Variants in GSE1 observed in about 807,000 individuals in gnomAD.
GSE1 encodes Gse1 coiled-coil protein, also known as genetic suppressor element 1.
Under a neutral mutation model 112.6 loss-of-function variants are expected in GSE1, and 32 were observed. The observed-to-expected ratio is 0.28, with a 90% confidence interval of 0.21 to 0.38. GSE1 has a LOEUF of 0.38. GSE1 is among the 10% of genes least tolerant of loss of function. The pLI is 1.00. For missense variants in GSE1, 2,348 were observed against 1,699.2 expected (o/e 1.38, Z -6.71); for synonymous variants, 1,115 against 735.6 (o/e 1.52, Z -8.35).
rs2045439576 is a variant in GSE1 at position 85,560,110 on chromosome 16, C to T, written c.37+3747C>T. On this transcript the variant is annotated intron_variant, in intron 1 of 2. Transcript: ENST00000635906. The stretch of plus-strand genomic sequence containing the variant: ...GAATTATTTGCAGCAAGTCACAGAG[C>T]TTTTTTTTCTTCTTCTTCTTTTTTT... Among the ~76,000 whole-genome samples, 3 of 133,980 alleles carry T rather than the reference C, an allele frequency of 2.2e-5. 1 individual carries two copies. In the South Asian group the frequency reaches 7.3e-4, roughly 33 times the overall value. 87.9% of individuals were successfully genotyped at this position (133,980 alleles called of 152,430 possible). A position where few individuals can be genotyped will look rare whatever the true frequency, so the allele number is the denominator to read the frequency against.
intron 2 of GSE1, among the ~76,000 whole-genome samples, chr16:85,636,627 C>T (rs750463109): frequency 2.6e-5 from 4 of 152,314 alleles, no homozygotes; most frequent in South Asian, 2.1e-4. Flanking sequence ...GAGGACAAGT[C>T]GCAAGACGGC....
At chr16:85,327,165 A>G (rs1243799822) in intron 1 of GSE1, among the ~76,000 whole-genome samples, 1 of 152,204 alleles carries the variant, frequency 6.6e-6, no homozygotes, top group Admixed American at 6.5e-5. Flanking sequence ...TCCCAAGACC[A>G]GTGTCCCAAA....
chr16:85,497,302 T>G (rs1255693679), intron 2 of GSE1, among the ~76,000 whole-genome samples: 2 of 152,176 alleles, frequency 1.3e-5, no homozygotes, highest in Non-Finnish European at 2.9e-5. Flanking sequence ...CTCCTGCGTT[T>G]TACATTGGGA....
Position 85,648,636 on chromosome 16 carries a change from C to G in GSE1, c.311C>G (p.Pro104Arg), listed in dbSNP as rs754251796. The change falls in exon 3 of 16, where the codon CCC becomes CGC. Residue 104 changes from proline (P) to arginine (R), a missense_variant. Pro to Arg is a moderately radical substitution (Grantham distance 103). Coordinates refer to ENST00000253458, the MANE Select transcript of GSE1 (RefSeq NM_014615.5). ...CCCGCCAGCACACCCAAGCGCGTGC[C>G]CATGGGCCCTATCATCGTCCCCCCT... ...SSPASTPKRV[P>R]MGPIIVPPGG... is the part of the protein sequence containing the mutation. The G allele has an allele frequency of 6.2e-7, 1 of 1,603,916 alleles. No homozygotes were observed. The highest frequency in any genetic ancestry group is 8.5e-7 in the Non-Finnish European group (1 of 1,172,986).
At chr16:85,632,425 G>A (rs930945012) in intron 1 of GSE1, among the ~76,000 whole-genome samples, 2 of 151,892 alleles carry the variant, frequency 1.3e-5, no homozygotes, top group African/African-American at 2.4e-5. Flanking sequence ...TTCTCCCTAC[G>A]TCCCCTCTAT....
chr16:85,260,030 A>G (rs1054855154), intron 1 of GSE1, among the ~76,000 whole-genome samples: 1 of 152,196 alleles, frequency 6.6e-6, no homozygotes, highest in African/African-American at 2.4e-5. Flanking sequence ...ACTTACCAGA[A>G]AGGGACGGAG....
At chr16:85,638,444 C>T (rs539995724) in intron 2 of GSE1, among the ~76,000 whole-genome samples, 77 of 152,330 alleles carry the variant, frequency 5.1e-4, no homozygotes, top group African/African-American at 1.2e-3. Flanking sequence ...CAAGGGCAGA[C>T]GCTTGCGAAT....
intron 2 of GSE1, among the ~76,000 whole-genome samples, chr16:85,428,001 C>T (rs919857379): frequency 2.0e-5 from 3 of 152,110 alleles, no homozygotes; most frequent in African/African-American, 4.8e-5. Context: ...ACAGTTGGAC[C>T]CAGCCACATT....
chr16:85,670,094 C>T (rs1161385348), intron 14 of GSE1, among the ~76,000 whole-genome samples: 1 of 152,240 alleles, frequency 6.6e-6, no homozygotes, highest in Non-Finnish European at 1.5e-5. Context: ...AAAACTATTA[C>T]ATCATTTTTG....
At chr16:85,340,668 A>T (rs2046605894) in intron 1 of GSE1, among the ~76,000 whole-genome samples, 1 of 152,182 alleles carries the variant, frequency 6.6e-6, no homozygotes, top group African/African-American at 2.4e-5. Context: ...AAACATCTTC[A>T]CGTGAGCTGT....
intron 1 of GSE1, among the ~76,000 whole-genome samples, chr16:85,625,391 C>T (rs899709103): frequency 1.3e-5 from 2 of 152,314 alleles, no homozygotes; most frequent in South Asian, 2.1e-4. Flanking sequence ...CTGCTGTCCG[C>T]GGGTCCCCAG....
At chr16:85,613,549 C>T in intron 1 of GSE1, 151 bp downstream of exon 1, 5 of 772,560 alleles carry the variant, frequency 6.5e-6, no homozygotes, top group South Asian at 1.9e-5. Flanking sequence ...GCCGGGAGGG[C>T]GGGCAGGCGA....
intron 1 of GSE1, among the ~76,000 whole-genome samples, chr16:85,310,961 G>A (rs961349002): frequency 8.5e-5 from 13 of 152,352 alleles, no homozygotes; most frequent in Middle Eastern, 3.4e-3. Context: ...GCCCCCCGCC[G>A]CTCCGCATCC....
chr16:85,478,911 CTTTCTTTCTTTCTTTCTCTT>C (rs1161968755), intron 2 of GSE1, among the ~76,000 whole-genome samples: 830 of 58,408 alleles, frequency 0.014, 16 homozygotes, highest in African/African-American at 0.034. Flanking sequence ...TTCTTTCTTT[CTTTCTTTCTTTCTTTCTCTT>C]TCTTTCTTTC....
intron 2 of GSE1, among the ~76,000 whole-genome samples, chr16:85,466,472 G>A (rs369853778): frequency 3.9e-5 from 6 of 152,208 alleles, no homozygotes; most frequent in African/African-American, 1.2e-4. Flanking sequence ...CCCTCCTGGC[G>A]CACACTGGCA....
intron 1 of GSE1, among the ~76,000 whole-genome samples, chr16:85,622,470 G>A (rs1473348845): frequency 6.6e-6 from 1 of 152,320 alleles, no homozygotes; most frequent in East Asian, 1.9e-4. Flanking sequence ...ACTCTGTGCT[G>A]TAGGAGTTTG....
chr16:85,621,784 C>T (rs1440382064), intron 1 of GSE1, among the ~76,000 whole-genome samples: 1 of 152,200 alleles, frequency 6.6e-6, no homozygotes, highest in Non-Finnish European at 1.5e-5. Context: ...TGTTGTGTTC[C>T]TTCTGCCAGA....
intron 2 of GSE1, among the ~76,000 whole-genome samples, chr16:85,518,730 C>T (rs555151002): frequency 5.9e-5 from 9 of 152,092 alleles, no homozygotes; most frequent in East Asian, 3.9e-4. Context: ...AAGCAGGGGA[C>T]GTGCTCTCAG....
At chr16:85,283,742 C>A (rs1445945880) in intron 1 of GSE1, among the ~76,000 whole-genome samples, 1 of 152,198 alleles carries the variant, frequency 6.6e-6, no homozygotes, top group Non-Finnish European at 1.5e-5. Context: ...CTCAGTGCTT[C>A]ATAAGTGTAT....
Sources: allele counts gnomAD v4.1 joint callset (sites outside exome capture counted in the v4.1 genomes callset), GRCh38; gene constraint gnomAD v4.1.1; transcripts MANE v1.5; gene names NCBI Gene and HGNC (gene_info 2026-07-23, HGNC 2026-07-21).